The following SHISA9 variants were observed in gnomAD, a reference collection of about 807,000 sequenced individuals.
SHISA9 encodes shisa family member 9, also known as protein shisa-9.
Under a neutral mutation model 38.0 loss-of-function variants are expected in SHISA9, and 13 were observed. That is an observed-to-expected ratio of 0.34 (90% CI 0.22 to 0.54). SHISA9 has a LOEUF of 0.54. Among genes scored for constraint, SHISA9 ranks in the 20% least tolerant of loss-of-function variants. The pLI is 0.91. For missense variants in SHISA9, 538 were observed against 575.8 expected (o/e 0.93, Z 0.67); for synonymous variants, 275 against 242.0 (o/e 1.14, Z -1.27).
At chr16:13,330,784 A>G in the SHISA9 span, among the ~76,000 whole-genome samples, 1 of 152,006 alleles carries the variant, frequency 6.6e-6, no homozygotes, top group Non-Finnish European at 1.5e-5. Context: ...GCCTTTGAAA[A>G]CCTTGGCCTC....
rs538307868 is a variant in SHISA9 at position 13,096,104 on chromosome 16, T to G, written c.692-107290T>G. Among the ~76,000 whole-genome samples, 5 of 152,370 alleles carry G rather than the reference T, an allele frequency of 3.3e-5. No homozygotes were observed. In the East Asian group the frequency reaches 9.6e-4, roughly 29 times the overall value. ...AGCTGGTTAACGATGAACAAGTCAC[T>G]TAACTCCTTTAAGCCTCTATTTCTA... On this transcript the variant is annotated intron_variant, in intron 2 of 4. Coordinates refer to ENST00000558583, the MANE Select transcript of SHISA9 (RefSeq NM_001145204.3).
At chr16:12,929,081 A>G (rs1034650283) in intron 2 of SHISA9, among the ~76,000 whole-genome samples, 1 of 152,252 alleles carries the variant, frequency 6.6e-6, no homozygotes. Context: ...AATGAAAGCC[A>G]CAATGAGATA....
At chr16:13,486,390 A>G in the SHISA9 span, among the ~76,000 whole-genome samples, 2 of 152,332 alleles carry the variant, frequency 1.3e-5, no homozygotes, top group South Asian at 2.1e-4. Context: ...TTGGCTTCCA[A>G]GAATAATCCT....
At chr16:13,143,533 C>T (rs796261768) in intron 2 of SHISA9, among the ~76,000 whole-genome samples, 43 of 152,288 alleles carry the variant, frequency 2.8e-4, no homozygotes, top group African/African-American at 1.0e-3. Flanking sequence ...GTGATCTGGT[C>T]ACCATTTCCC....
Position 13,069,199 on chromosome 16 carries a change from T to G in SHISA9, c.692-134195T>G, listed in dbSNP as rs576698420. ...TGCAATGTGTATATGTGTATACATG[T>G]GTACATGCATGCAATGTGTGTATGT... On this transcript the variant is annotated intron_variant, in intron 2 of 4. Coordinates refer to ENST00000558583, the MANE Select transcript of SHISA9 (RefSeq NM_001145204.3). Among the ~76,000 whole-genome samples, 326 of 152,106 alleles carry G rather than the reference T, an allele frequency of 2.1e-3. 3 individuals are homozygous for G. The highest frequency in any genetic ancestry group is 7.5e-3 in the African/African-American group (311 of 41,448).
At chr16:13,089,034 G>A (rs1315204169) in intron 2 of SHISA9, among the ~76,000 whole-genome samples, 1 of 152,146 alleles carries the variant, frequency 6.6e-6, no homozygotes, top group East Asian at 1.9e-4. Context: ...CTTGAATTTT[G>A]TTGAAGGCCT....
At chr16:12,910,845 G>C in intron 1 of SHISA9, 1 of 561,434 alleles carries the variant, frequency 1.8e-6, no homozygotes, top group Non-Finnish European at 2.3e-6. Context: ...AAGGCCGACA[G>C]GCAGGAGAAT....
intron 2 of SHISA9, among the ~76,000 whole-genome samples, chr16:13,020,260 A>G (rs2072835989): frequency 6.6e-6 from 1 of 151,810 alleles, no homozygotes; most frequent in South Asian, 2.1e-4. Context: ...TCCTGACCTC[A>G]GGTGATCTGC....
chr16:12,978,955 TGGGGG>T lies in SHISA9; in HGVS notation c.691+62141_691+62145del, dbSNP rs2072203659. Among the ~76,000 whole-genome samples the T allele has an allele frequency of 2.0e-5, 3 of 152,314 alleles. No individual in the cohort carries two copies. In the South Asian group the frequency reaches 6.2e-4, roughly 32 times the overall value. On this transcript the variant is annotated intron_variant, in intron 2 of 4. Coordinates refer to ENST00000558583, the MANE Select transcript of SHISA9 (RefSeq NM_001145204.3). Reference sequence around the variant, plus strand: ...TGGAGAAGTTTCCATAATGAAATGTTGGGGGAACAAAACAGTGAGACATGAAATGG... The same window carrying T: ...TGGAGAAGTTTCCATAATGAAATGTTAACAAAACAGTGAGACATGAAATGG...
chr16:13,210,235 C>T (rs962589982), intron 3 of SHISA9, among the ~76,000 whole-genome samples: 3 of 152,168 alleles, frequency 2.0e-5, no homozygotes, highest in African/African-American at 7.2e-5. Flanking sequence ...AAGTTGCCTG[C>T]ACATTGACAT....
Position 13,235,695 on chromosome 16 carries a change from A to C in SHISA9, c.*286A>C. 2.5e-6 allele frequency: 1 copy of C among 395,312 alleles called. No individual in the cohort carries two copies. Among genetic ancestry groups the C allele is most frequent in the Non-Finnish European group, 4.5e-6 (1 of 222,546 alleles). The allele number at this position is 395,312 out of a possible 1,614,324, so 24.5% of individuals were successfully genotyped here. Reference sequence around the variant, plus strand: ...ACTTCAGGCCCAAGATGGCCAACTCACATGCCCAAACCGTGGGGCTGAGTT... The same window carrying C: ...ACTTCAGGCCCAAGATGGCCAACTCCCATGCCCAAACCGTGGGGCTGAGTT... On this transcript the variant is annotated 3_prime_UTR_variant, in exon 5 of 5. Transcript: ENST00000558583.
At position 12,916,718 on chromosome 16, in the gene SHISA9, C is replaced by T; in HGVS notation, c.594C>T (p.Gly198=). 6.4e-7 allele frequency: 1 copy of T among 1,551,860 alleles called. No homozygotes were observed. Among genetic ancestry groups the T allele is most frequent in the South Asian group, 1.2e-5 (1 of 84,034 alleles). Residue 198 remains glycine, a synonymous_variant, in exon 2 of 5, where the codon GGC becomes GGT. Transcript: ENST00000558583. ...TTGCGGATGTCATGAGACCACAGGG[C>T]CACTGCAACACTGATCACATGGAGA... ...RALADVMRPQ[G]HCNTDHMERD...
chr16:12,996,922 C>T (rs1265732635), intron 2 of SHISA9, among the ~76,000 whole-genome samples: 17 of 152,212 alleles, frequency 1.1e-4, no homozygotes, highest in Admixed American at 1.1e-3. Flanking sequence ...AACCACTCAG[C>T]TTGCATGAAA....
the SHISA9 span, among the ~76,000 whole-genome samples, chr16:13,443,560 G>A: frequency 1.4e-3 from 207 of 152,220 alleles, 1 homozygote; most frequent in Admixed American, 2.3e-3. Flanking sequence ...GATTGTTTTC[G>A]TTACTACGTG....
At chr16:13,270,914 T>C in the SHISA9 span, among the ~76,000 whole-genome samples, 130 of 152,276 alleles carry the variant, frequency 8.5e-4, no homozygotes, top group African/African-American at 3.0e-3. Flanking sequence ...TAAGAAGAGA[T>C]AAATTTTGAG....
Position 12,983,542 on chromosome 16 carries a change from G to T in SHISA9, c.691+66727G>T, listed in dbSNP as rs562409487. 3.0e-3 allele frequency among the ~76,000 whole-genome samples: 463 copies of T among 152,284 alleles called. 3 individuals carry two copies. Among genetic ancestry groups the T allele is most frequent in the African/African-American group, 0.011 (447 of 41,574 alleles). On this transcript the variant is annotated intron_variant, in intron 2 of 4. Coordinates refer to ENST00000558583, the MANE Select transcript of SHISA9 (RefSeq NM_001145204.3). ...CTTGCCCTGTCACCCAGGCTGGAGT[G>T]CAGTGGCACAATCTCGGCTCACTGC...
chr16:13,084,579 C>G (rs921993833), intron 2 of SHISA9, among the ~76,000 whole-genome samples: 4 of 152,172 alleles, frequency 2.6e-5, no homozygotes, highest in Non-Finnish European at 5.9e-5. Context: ...GTTCCTCTTT[C>G]TGGAGTTACA....
chr16:13,235,210 C>A lies in SHISA9; in HGVS notation c.1076C>A (p.Pro359His), dbSNP rs557712007. The change falls in exon 5 of 5, where the codon CCC (proline) becomes CAC (histidine). Residue 359 changes from proline to histidine, a missense_variant. Transcript: ENST00000558583. ...KSRTNKMPPH[P>H]LAYTSTTNFK... Reference sequence around the variant, plus strand: ...CGCACCAACAAGATGCCCCCACATCCCCTGGCCTACACCTCTACCACCAAC... The same window carrying A: ...CGCACCAACAAGATGCCCCCACATCACCTGGCCTACACCTCTACCACCAAC... 1 of 1,551,776 alleles carries A rather than the reference C, an allele frequency of 6.4e-7. No individual in the cohort carries two copies. The highest frequency in any genetic ancestry group is 8.7e-7 in the Non-Finnish European group (1 of 1,147,002).
At chr16:13,513,267 T>G in the SHISA9 span, among the ~76,000 whole-genome samples, 2 of 152,172 alleles carry the variant, frequency 1.3e-5, no homozygotes, top group African/African-American at 4.8e-5. Context: ...AAGCTCAACA[T>G]CACTGATCAT....
Sources: allele counts gnomAD v4.1 joint callset (sites outside exome capture counted in the v4.1 genomes callset), GRCh38; gene constraint gnomAD v4.1.1; transcripts MANE v1.5; gene names NCBI Gene and HGNC (gene_info 2026-07-23, HGNC 2026-07-21).